PDE1C: variants seen among roughly 807,000 people sequenced by gnomAD.
PDE1C encodes the protein dual specificity calcium/calmodulin-dependent 3',5'-cyclic nucleotide phosphodiesterase 1C.
PDE1C carries 62 observed loss-of-function variants against 93.1 expected under a neutral mutation model. That is an observed-to-expected ratio of 0.67 (90% CI 0.54 to 0.82). PDE1C has a LOEUF of 0.82. Among genes scored for constraint, PDE1C ranks in the 40% least tolerant of loss-of-function variants. PDE1C has a pLI of 0.00. For synonymous variants in PDE1C, 325 were observed against 310.1 expected, an observed-to-expected ratio of 1.05 and a Z score of -0.50; for missense variants, 742 against 884.6, an observed-to-expected ratio of 0.84 and a Z score of 2.04.
chr7:32,018,727 A>T (rs1457913927), intron 2 of PDE1C, among the ~76,000 whole-genome samples: 3 of 152,172 alleles, frequency 2.0e-5, no homozygotes, highest in Admixed American at 6.5e-5. Context: ...TGAGTGATAA[A>T]AATATTTTAA....
In PDE1C at chr7:32,233,320, G is replaced by C. The variant is rs188369595; in HGVS notation, c.86-23781C>G. Among the ~76,000 whole-genome samples the C allele has an allele frequency of 3.8e-3, 578 of 152,202 alleles. 6 individuals carry two copies. Among genetic ancestry groups the C allele is most frequent in the African/African-American group, 0.013 (550 of 41,536 alleles). On this transcript the variant is annotated intron_variant, in intron 1 of 18. Coordinates refer to the PDE1C transcript ENST00000396193. ...ACAGAAAATTAATAATTAAATAGTAGACTTGAATCCAAACATTACAATAAC... is the reference window on the plus strand; with the variant it reads ...ACAGAAAATTAATAATTAAATAGTACACTTGAATCCAAACATTACAATAAC...
At chr7:31,951,288 G>A (rs1230145668) in intron 2 of PDE1C, among the ~76,000 whole-genome samples, 1 of 152,134 alleles carries the variant, frequency 6.6e-6, no homozygotes, top group Non-Finnish European at 1.5e-5. Context: ...ACCTCCAGGA[G>A]TTTATCTATT....
At chr7:31,759,496 C>T (rs1794694055) in intron 17 of PDE1C, among the ~76,000 whole-genome samples, 1 of 152,184 alleles carries the variant, frequency 6.6e-6, no homozygotes, top group Non-Finnish European at 1.5e-5. Flanking sequence ...GACACTTCTT[C>T]CCCTTGGGGA....
intron 2 of PDE1C, among the ~76,000 whole-genome samples, chr7:31,908,590 C>A (rs187725279): frequency 3.3e-5 from 5 of 152,180 alleles, no homozygotes; most frequent in African/African-American, 1.2e-4. Context: ...TGACTTTGCA[C>A]TGATAACCTC....
At chr7:32,064,621 T>C (rs1045290238) in intron 1 of PDE1C, among the ~76,000 whole-genome samples, 5 of 152,174 alleles carry the variant, frequency 3.3e-5, no homozygotes, top group Non-Finnish European at 7.3e-5. Context: ...CAGCTTAACA[T>C]CTTTTAACAA....
At chr7:31,723,532 G>T in the PDE1C span, among the ~76,000 whole-genome samples, 1 of 152,110 alleles carries the variant, frequency 6.6e-6, no homozygotes, top group Non-Finnish European at 1.5e-5. Context: ...TGCCAGCAGT[G>T]GTTCTCCCTG....
intron 3 of PDE1C, among the ~76,000 whole-genome samples, chr7:32,086,517 A>G (rs1260875113): frequency 1.3e-5 from 2 of 152,080 alleles, no homozygotes; most frequent in Admixed American, 6.5e-5. Flanking sequence ...TAAACTTCAT[A>G]TGGAACCAAA....
the PDE1C span, chr7:31,697,221 G>A: frequency 7.0e-7 from 1 of 1,430,884 alleles, no homozygotes; most frequent in Non-Finnish European, 9.4e-7. Flanking sequence ...GCCCCAGCAA[G>A]CTGCGTTGTC....
chr7:32,223,016 C>T (rs1386598723), intron 1 of PDE1C, among the ~76,000 whole-genome samples: 1 of 152,210 alleles, frequency 6.6e-6, no homozygotes, highest in Non-Finnish European at 1.5e-5. Context: ...ACCACTCCTT[C>T]CAGCTTCTCC....
chr7:32,098,258 C>T (rs1302923986), intron 3 of PDE1C, among the ~76,000 whole-genome samples: 1 of 138,376 alleles, frequency 7.2e-6, no homozygotes, highest in African/African-American at 2.7e-5. Flanking sequence ...GACATAAATC[C>T]ACATAATTTT....
intron 1 of PDE1C, among the ~76,000 whole-genome samples, chr7:32,263,625 C>A (rs542105262): frequency 6.6e-6 from 1 of 152,186 alleles, no homozygotes; most frequent in Non-Finnish European, 1.5e-5. Flanking sequence ...TTTCTCCAGG[C>A]AGAATCCAGT....
intron 1 of PDE1C, among the ~76,000 whole-genome samples, chr7:32,356,905 C>T (rs1455095904): frequency 2.0e-5 from 3 of 152,050 alleles, no homozygotes; most frequent in African/African-American, 7.3e-5. Flanking sequence ...GAGTACAGTG[C>T]ATGTGCACCA....
At chr7:31,635,364 C>T in the PDE1C span, among the ~76,000 whole-genome samples, 1,832 of 152,240 alleles carry the variant, frequency 0.012, 43 homozygotes, top group African/African-American at 0.041. Context: ...TCTCTCAAAA[C>T]GATTGACATG....
At chr7:32,410,537 T>C (rs1316237473) in intron 1 of PDE1C, among the ~76,000 whole-genome samples, 2 of 152,020 alleles carry the variant, frequency 1.3e-5, no homozygotes, top group Non-Finnish European at 1.5e-5. Context: ...AGACAGGTGG[T>C]CTGTGCTGCT....
intron 3 of PDE1C, among the ~76,000 whole-genome samples, chr7:32,095,205 A>ATGT (rs1797686104): frequency 1.3e-5 from 2 of 152,202 alleles, no homozygotes; most frequent in African/African-American, 4.8e-5. Context: ...CTCAAAAACA[A>ATGT]TGTTCCATGC....
intron 2 of PDE1C, among the ~76,000 whole-genome samples, chr7:31,946,621 T>C (rs1584122329): frequency 6.6e-6 from 1 of 152,206 alleles, no homozygotes; most frequent in African/African-American, 2.4e-5. Flanking sequence ...GATGCACCAC[T>C]TCCTTTCAAC....
chr7:31,893,145 G>A (rs552281830), intron 2 of PDE1C, among the ~76,000 whole-genome samples: 2 of 152,258 alleles, frequency 1.3e-5, no homozygotes, highest in African/African-American at 4.8e-5. Flanking sequence ...AGGGAGTGAG[G>A]GAGTGAGGGT....
intron 6 of PDE1C, among the ~76,000 whole-genome samples, 194 bp downstream of exon 6, chr7:31,873,098 G>A (rs1218105556): frequency 6.6e-6 from 1 of 152,088 alleles, no homozygotes; most frequent in African/African-American, 2.4e-5. Flanking sequence ...ATGCCGCTGA[G>A]ACCCACCAGC....
chr7:31,803,577 G>C (rs1288559657), intron 16 of PDE1C, among the ~76,000 whole-genome samples: 2 of 151,800 alleles, frequency 1.3e-5, no homozygotes, highest in African/African-American at 4.8e-5. Flanking sequence ...TCCCCGGTGT[G>C]TGATGTTCCC....
Sources: gnomAD v4.1 joint callset for allele counts (sites outside exome capture counted in the v4.1 genomes callset) on GRCh38, gnomAD v4.1.1 for gene constraint, MANE v1.5 for transcripts, NCBI Gene and HGNC (gene_info 2026-07-23, HGNC 2026-07-21) for gene names.